THRAP3: variants seen among roughly 807,000 people sequenced by gnomAD.
THRAP3 encodes thyroid hormone receptor associated protein 3.
Under a neutral mutation model 101.0 loss-of-function variants are expected in THRAP3, and 16 were observed. That is an observed-to-expected ratio of 0.16 (90% CI 0.11 to 0.24). THRAP3 has a LOEUF of 0.24. Among genes scored for constraint, THRAP3 ranks in the 10% least tolerant of loss-of-function variants. THRAP3 has a pLI of 1.00. For synonymous variants in THRAP3, 407 were observed against 422.6 expected (o/e 0.96, Z 0.45); for missense variants, 989 against 1,202.7 (o/e 0.82, Z 2.63).
At chr1:36,275,048 G>A (rs1366542439) in intron 2 of THRAP3, among the ~76,000 whole-genome samples, 2 of 145,288 alleles carry the variant, frequency 1.4e-5, no homozygotes, top group South Asian at 4.4e-4. Flanking sequence ...CTGGGGCAGG[G>A]GGATCACGAG....
At chr1:36,283,966 C>G (rs1346284936) in intron 3 of THRAP3, among the ~76,000 whole-genome samples, 1 of 152,110 alleles carries the variant, frequency 6.6e-6, no homozygotes, top group Non-Finnish European at 1.5e-5. Flanking sequence ...GCTTTTAAAG[C>G]CATGGGACCA....
At chr1:36,250,709 C>G (rs1256251190) in intron 1 of THRAP3, among the ~76,000 whole-genome samples, 1 of 150,518 alleles carries the variant, frequency 6.6e-6, no homozygotes, top group Non-Finnish European at 1.5e-5. Flanking sequence ...GGCGGGAGTT[C>G]GAGACCAGCC....
At chr1:36,276,962 A>G (rs868601469) in intron 2 of THRAP3, among the ~76,000 whole-genome samples, 1 of 152,066 alleles carries the variant, frequency 6.6e-6, no homozygotes, top group Admixed American at 6.6e-5. Context: ...ACTTTTTTTA[A>G]TTTTTATTTT....
At chr1:36,228,193 G>A (rs1227504812) in intron 1 of THRAP3, among the ~76,000 whole-genome samples, 2 of 151,476 alleles carry the variant, frequency 1.3e-5, no homozygotes, top group Admixed American at 6.6e-5. Context: ...GATTACAGGC[G>A]CCTGCCACCA....
In THRAP3 at chr1:36,272,316, A is replaced by C. The variant is rs115523685; in HGVS notation, c.-31-10217A>C. Among the ~76,000 whole-genome samples, 1,378 of 152,324 alleles carry C rather than the reference A, an allele frequency of 9.0e-3. 18 individuals are homozygous for C. The highest frequency in any genetic ancestry group is 0.031 in the African/African-American group (1,304 of 41,574). ...ATAAATTGAAGACCTTAGAATTGAA[A>C]TTAGTATTTACTGATTTACCTTACT... On this transcript the variant is annotated intron_variant, in intron 2 of 11. Transcript: ENST00000354618.
chr1:36,262,448 C>A (rs1358495404), intron 2 of THRAP3, among the ~76,000 whole-genome samples: 1 of 152,062 alleles, frequency 6.6e-6, no homozygotes, highest in Non-Finnish European at 1.5e-5. Flanking sequence ...ACGTTTTTTT[C>A]CTCCTCTAAA....
chr1:36,272,133 T>A (rs1004052725), intron 2 of THRAP3, among the ~76,000 whole-genome samples: 2 of 150,972 alleles, frequency 1.3e-5, no homozygotes, highest in African/African-American at 2.4e-5. Context: ...CCTCCTTCCT[T>A]AGCCTCCCAA....
chr1:36,235,311 T>G (rs1645072827), intron 1 of THRAP3, among the ~76,000 whole-genome samples: 1 of 152,130 alleles, frequency 6.6e-6, no homozygotes, highest in Admixed American at 6.6e-5. Flanking sequence ...GATAGATTGT[T>G]TGGTAACTAT....
intron 2 of THRAP3, among the ~76,000 whole-genome samples, chr1:36,269,902 C>A (rs1011061286): frequency 1.3e-5 from 2 of 151,868 alleles, no homozygotes; most frequent in Admixed American, 1.3e-4. Context: ...TAAATAAAGT[C>A]TTTTTTAAGG....
In THRAP3 at chr1:36,286,485, T is replaced by C; in HGVS notation, c.255T>C (p.Tyr85=). ...GHNRGYRRPY[Y]FRGRNRGFYP... ...ACAGAGGCTATAGAAGGCCCTATTA[T>C]TTCCGTGGGCGTAACAGAGGCTTTT... The change falls in exon 4 of 12, where the codon TAT becomes TAC. Residue 85 remains tyrosine, a synonymous_variant. Transcript: ENST00000354618. The surrounding 1 kb of genome is among the most constrained non-coding windows in gnomAD (Gnocchi z 5.5). 6.2e-7 allele frequency: 1 copy of C among 1,614,198 alleles called. No homozygotes were observed. The highest frequency in any genetic ancestry group is 8.5e-7 in the Non-Finnish European group (1 of 1,180,038).
intron 2 of THRAP3, among the ~76,000 whole-genome samples, chr1:36,278,091 G>A (rs1645684787): frequency 7.2e-6 from 1 of 139,574 alleles, no homozygotes; most frequent in Admixed American, 7.3e-5. Context: ...TTAAGACGGA[G>A]TCCTGCCTTG....
intron 1 of THRAP3, among the ~76,000 whole-genome samples, chr1:36,252,976 A>G (rs1645327094): frequency 6.9e-6 from 1 of 143,932 alleles, no homozygotes; most frequent in African/African-American, 2.5e-5. Context: ...ATATAAATGT[A>G]AATAATGAGT....
Position 36,296,780 on chromosome 1 carries a change from C to A in THRAP3, c.2303+10C>A. 2 of 1,566,404 alleles carry A rather than the reference C, an allele frequency of 1.3e-6. No homozygotes were observed. The highest frequency in any genetic ancestry group is 1.7e-6 in the Non-Finnish European group (2 of 1,162,688). On this transcript the variant is annotated intron_variant, in intron 9 of 11. Transcript: ENST00000354618. Reference sequence around the variant, plus strand: ...GATCAAAGAAACAGAAGTACGTAAGCCCCTGTTACCCCTTCCAGACTCTTA... The same window carrying A: ...GATCAAAGAAACAGAAGTACGTAAGACCCTGTTACCCCTTCCAGACTCTTA...
chr1:36,291,820 C>G (rs935881923), intron 6 of THRAP3, among the ~76,000 whole-genome samples: 4 of 152,180 alleles, frequency 2.6e-5, no homozygotes, highest in African/African-American at 9.6e-5. Context: ...AAGCCAATAG[C>G]AAAATGACTT....
At chr1:36,297,997 A>G (rs1263585824) in intron 9 of THRAP3, among the ~76,000 whole-genome samples, 1 of 150,752 alleles carries the variant, frequency 6.6e-6, no homozygotes, top group Non-Finnish European at 1.5e-5. Flanking sequence ...AAAAAAAAAA[A>G]TTAGCCGGGC....
chr1:36,267,075 G>A (rs1645524317), intron 2 of THRAP3, among the ~76,000 whole-genome samples: 1 of 151,924 alleles, frequency 6.6e-6, no homozygotes, highest in African/African-American at 2.4e-5. Flanking sequence ...GTAGAGACGG[G>A]GTTTCATCAT....
At chr1:36,264,552 T>C (rs1645487965) in intron 2 of THRAP3, among the ~76,000 whole-genome samples, 1 of 152,246 alleles carries the variant, frequency 6.6e-6, no homozygotes, top group Admixed American at 6.5e-5. Context: ...CTTTAGTGTA[T>C]TTCCTCACCT....
At chr1:36,301,799 C>T (rs882799) in intron 11 of THRAP3, 103 bp downstream of exon 11, 1,233,889 of 1,420,094 alleles carry the variant, frequency 0.87, 539,984 homozygotes, top group East Asian at 0.96. Context: ...ATTAAATGTA[C>T]GTGCAGGATT....
intron 2 of THRAP3, among the ~76,000 whole-genome samples, chr1:36,259,864 C>T (rs1047277284): frequency 4.6e-5 from 7 of 152,058 alleles, no homozygotes; most frequent in African/African-American, 1.2e-4. Flanking sequence ...AAAAGGCTGT[C>T]GGTAAACTTG....
Sources: allele counts gnomAD v4.1 joint callset (sites outside exome capture counted in the v4.1 genomes callset), GRCh38; gene constraint gnomAD v4.1.1; non-coding constraint Gnocchi (gnomAD v3.1); transcripts MANE v1.5; gene names NCBI Gene and HGNC (gene_info 2026-07-23, HGNC 2026-07-21).